PRKN: variants seen among roughly 807,000 people sequenced by gnomAD.
PRKN encodes the protein E3 ubiquitin-protein ligase parkin.
PRKN carries 56 observed loss-of-function variants against 59.5 expected under a neutral mutation model. The ratio of observed to expected loss-of-function variants is 0.94; its 90% CI spans 0.76 to 1.18. PRKN has a LOEUF of 1.18. PRKN is among the 50% of genes most tolerant of loss of function. The pLI, the probability that PRKN is intolerant of heterozygous loss-of-function variation, is 0.00. For missense variants in PRKN, 657 were observed against 596.4 expected, an observed-to-expected ratio of 1.10 and a Z score of -1.06; for synonymous variants, 250 against 222.1, an observed-to-expected ratio of 1.13 and a Z score of -1.12.
intron 5 of PRKN, among the ~76,000 whole-genome samples, chr6:162,026,292 C>T (rs554072330): frequency 3.3e-5 from 5 of 152,304 alleles, no homozygotes; most frequent in Non-Finnish European, 5.9e-5. Flanking sequence ...CGGAGGCACA[C>T]GTGTGATGCC....
At chr6:161,876,632 G>A (rs1260922190) in intron 6 of PRKN, among the ~76,000 whole-genome samples, 1 of 152,046 alleles carries the variant, frequency 6.6e-6, no homozygotes, top group Non-Finnish European at 1.5e-5. Flanking sequence ...CTTTTCTTAT[G>A]AAAAAGTGTG....
intron 3 of PRKN, among the ~76,000 whole-genome samples, chr6:162,229,976 T>C (rs1321960130): frequency 6.6e-6 from 1 of 152,156 alleles, no homozygotes; most frequent in East Asian, 1.9e-4. Context: ...TCTGAGTACT[T>C]AGAACCACTC....
intron 6 of PRKN, among the ~76,000 whole-genome samples, chr6:161,869,475 A>G (rs950885302): frequency 2.0e-5 from 3 of 152,216 alleles, no homozygotes; most frequent in Non-Finnish European, 2.9e-5. Context: ...TTTTGAGCTG[A>G]TAAATACGAG....
At chr6:162,302,325 G>A (rs958926442) in intron 2 of PRKN, among the ~76,000 whole-genome samples, 1 of 138,220 alleles carries the variant, frequency 7.2e-6, no homozygotes, top group Admixed American at 6.8e-5. Flanking sequence ...TTATTGTTAG[G>A]TTATGTTATA....
chr6:162,171,429 G>A (rs1258570526), intron 4 of PRKN, among the ~76,000 whole-genome samples: 3 of 152,050 alleles, frequency 2.0e-5, no homozygotes, highest in Non-Finnish European at 4.4e-5. Flanking sequence ...CTGATGATTT[G>A]GCTGATGGAG....
In PRKN at chr6:161,361,169, C is replaced by T. The variant is rs1784962329; in HGVS notation, c.1168-964G>A. 6.6e-6 allele frequency among the ~76,000 whole-genome samples: 1 copy of T among 152,218 alleles called. No homozygotes were observed. The highest frequency in any genetic ancestry group is 1.5e-5 in the Non-Finnish European group (1 of 68,046). ...ATTATCCCCAGATAAGATGCAGCATCACCAAAAACATGAATCCAAACTTTG... is the reference window on the plus strand; with the variant it reads ...ATTATCCCCAGATAAGATGCAGCATTACCAAAAACATGAATCCAAACTTTG... On this transcript the variant is annotated intron_variant, in intron 10 of 11. Transcript: ENST00000366898. The surrounding 1 kb of genome is among the most constrained non-coding windows in gnomAD (Gnocchi z 5.2).
intron 7 of PRKN, among the ~76,000 whole-genome samples, chr6:161,653,389 A>G (rs961574124): frequency 5.9e-5 from 9 of 152,150 alleles, no homozygotes; most frequent in South Asian, 2.1e-4. Flanking sequence ...AAACAACAAC[A>G]AAGATGCAAA....
At chr6:161,543,144 G>A (rs1388122185) in intron 9 of PRKN, among the ~76,000 whole-genome samples, 1 of 152,088 alleles carries the variant, frequency 6.6e-6, no homozygotes, top group Admixed American at 6.6e-5. Context: ...GAGTAAAAGG[G>A]TAGGTATCAT....
chr6:161,439,633 A>C (rs1021100735), intron 9 of PRKN, among the ~76,000 whole-genome samples: 18 of 152,254 alleles, frequency 1.2e-4, no homozygotes, highest in African/African-American at 4.1e-4. Flanking sequence ...GAGCGATTCC[A>C]TCTACACTGA....
rs7758777 is a variant in PRKN, at chr6:161,527,959, C to T, written c.1083+20895G>A. Among the ~76,000 whole-genome samples the T allele has an allele frequency of 0.081, 12,361 of 152,252 alleles. 738 individuals are homozygous for T. The highest frequency in any genetic ancestry group is 0.16 in the African/African-American group (6,834 of 41,540). On this transcript the variant is annotated intron_variant, in intron 9 of 11. Coordinates refer to ENST00000366898, the MANE Select transcript of PRKN (RefSeq NM_004562.3). The surrounding 1 kb of genome is among the most constrained non-coding windows in gnomAD (Gnocchi z 4.6). ...CTGCTTTTAAACATTTCTTTCCCCC[C>T]ACTTAGTCCCCAGAGACTTAGAGTT...
At chr6:162,161,776 G>C (rs936722514) in intron 4 of PRKN, among the ~76,000 whole-genome samples, 1 of 152,100 alleles carries the variant, frequency 6.6e-6, no homozygotes, top group African/African-American at 2.4e-5. Flanking sequence ...TTTTATCAAC[G>C]CAACATAACA....
At chr6:162,009,882 G>C (rs1217331370) in intron 5 of PRKN, among the ~76,000 whole-genome samples, 1 of 151,606 alleles carries the variant, frequency 6.6e-6, no homozygotes, top group Non-Finnish European at 1.5e-5. Flanking sequence ...GTTGCAGTGA[G>C]CCAAGATCCC....
chr6:161,951,150 G>C (rs1254381661), intron 6 of PRKN, among the ~76,000 whole-genome samples: 2 of 151,820 alleles, frequency 1.3e-5, no homozygotes, highest in East Asian at 3.9e-4. Flanking sequence ...TTAAGTTGCT[G>C]TAGGCAGAAT....
chr6:161,887,755 G>T (rs904343451), intron 6 of PRKN, among the ~76,000 whole-genome samples: 1 of 151,830 alleles, frequency 6.6e-6, no homozygotes, highest in Non-Finnish European at 1.5e-5. Context: ...AATGACTGCC[G>T]GTAGAAATGC....
At chr6:162,487,943 T>A (rs1486164394) in intron 1 of PRKN, among the ~76,000 whole-genome samples, 1 of 150,348 alleles carries the variant, frequency 6.7e-6, no homozygotes, top group Non-Finnish European at 1.5e-5. Context: ...TAAATTAAAA[T>A]AATGGGTATT....
At chr6:162,590,841 T>C (rs1781276647) in intron 1 of PRKN, among the ~76,000 whole-genome samples, 1 of 152,050 alleles carries the variant, frequency 6.6e-6, no homozygotes, top group Non-Finnish European at 1.5e-5. Flanking sequence ...GAGCACATAC[T>C]CTGGGCACAC....
chr6:161,718,251 C>T (rs775504305), intron 7 of PRKN, among the ~76,000 whole-genome samples: 1 of 152,016 alleles, frequency 6.6e-6, no homozygotes, highest in African/African-American at 2.4e-5. Flanking sequence ...TCTCAAGGAG[C>T]GTCCATAGCA....
intron 1 of PRKN, among the ~76,000 whole-genome samples, chr6:162,533,289 C>T (rs773614853): frequency 2.6e-5 from 4 of 152,086 alleles, no homozygotes; most frequent in Non-Finnish European, 5.9e-5. Context: ...TTTGGGAGGC[C>T]AAGGTGGGTG....
chr6:162,027,405 G>A (rs1055201816), intron 5 of PRKN, among the ~76,000 whole-genome samples: 1 of 152,120 alleles, frequency 6.6e-6, no homozygotes, highest in African/African-American at 2.4e-5. Context: ...CATCTATCCT[G>A]TCAGAGAATT....
Sources: gnomAD v4.1 joint callset for allele counts (sites outside exome capture counted in the v4.1 genomes callset) on GRCh38, gnomAD v4.1.1 for gene constraint, Gnocchi (gnomAD v3.1) non-coding constraint, MANE v1.5 for transcripts, NCBI Gene and HGNC (gene_info 2026-07-23, HGNC 2026-07-21) for gene names.